ASIC2: variants seen among roughly 807,000 people sequenced by gnomAD.
ASIC2 encodes acid sensing ion channel subunit 2.
A neutral mutation model predicts 57.3 loss-of-function variants in ASIC2; 25 were observed. The ratio of observed to expected loss-of-function variants is 0.44; its 90% CI spans 0.32 to 0.61. The LOEUF (loss-of-function observed/expected upper bound fraction) is 0.61, where lower values mean the gene tolerates loss of function less well. Among genes scored for constraint, ASIC2 ranks in the 20% least tolerant of loss-of-function variants. The pLI is 0.06. For missense variants in ASIC2, 641 were observed against 738.1 expected (o/e 0.87, Z 1.52); for synonymous variants, 319 against 307.5 (o/e 1.04, Z -0.39).
In ASIC2 at chr17:33,031,153, G is replaced by A. The variant is rs1035147014; in HGVS notation, c.988-2761C>T. Among the ~76,000 whole-genome samples the A allele has an allele frequency of 9.2e-5, 14 of 152,218 alleles. No individual in the cohort carries two copies. The East Asian group carries it at 9.6e-4, about 10-fold the overall frequency. ...CTGGACCTGGTGATTGTGTGTATGC[G>A]TGTGAAGATTTTTAATTATGAATTC... is the stretch of plus-strand genomic sequence containing the variant. On this transcript the variant is annotated intron_variant, in intron 3 of 9. Coordinates refer to ENST00000225823, the MANE Select transcript of ASIC2 (RefSeq NM_183377.2).
At chr17:33,224,724 A>G (rs1907816454) in intron 1 of ASIC2, among the ~76,000 whole-genome samples, 1 of 152,186 alleles carries the variant, frequency 6.6e-6, no homozygotes, top group Admixed American at 6.5e-5. Context: ...TGATATGGGC[A>G]TTTGCATCAG....
At chr17:33,738,069 T>G (rs1909979538) in intron 1 of ASIC2, among the ~76,000 whole-genome samples, 1 of 152,218 alleles carries the variant, frequency 6.6e-6, no homozygotes, top group Admixed American at 6.5e-5. Flanking sequence ...TATATAAAAG[T>G]AGGTGTCTAA....
At chr17:33,919,302 T>G (rs1236468879) in intron 1 of ASIC2, among the ~76,000 whole-genome samples, 2 of 152,088 alleles carry the variant, frequency 1.3e-5, no homozygotes, top group Non-Finnish European at 2.9e-5. Context: ...AAAACCCTAT[T>G]GCTGTTCACC....
At chr17:33,940,429 C>T (rs543248319) in intron 1 of ASIC2, among the ~76,000 whole-genome samples, 9 of 152,146 alleles carry the variant, frequency 5.9e-5, no homozygotes, top group Non-Finnish European at 1.3e-4. Flanking sequence ...GGATTGAGGA[C>T]CCCACAGTGG....
chr17:33,621,613 G>A (rs748624194), intron 1 of ASIC2, among the ~76,000 whole-genome samples: 3 of 152,332 alleles, frequency 2.0e-5, no homozygotes, highest in Middle Eastern at 3.4e-3. Context: ...TAGCACTGGA[G>A]CCACAGAGCT....
chr17:33,921,432 G>T (rs1915706740), intron 1 of ASIC2, among the ~76,000 whole-genome samples: 1 of 152,150 alleles, frequency 6.6e-6, no homozygotes, highest in Admixed American at 6.5e-5. Flanking sequence ...TATGCAATTT[G>T]GTTAGGGGAT....
At chr17:33,088,811 G>A in intron 3 of ASIC2, 52 bp downstream of exon 3, 3 of 1,538,656 alleles carry the variant, frequency 1.9e-6, no homozygotes, top group Non-Finnish European at 2.6e-6. Flanking sequence ...TGCCTCTGCA[G>A]GGGGTCGGGG....
chr17:33,201,464 C>G (rs183128853), intron 1 of ASIC2, among the ~76,000 whole-genome samples: 1 of 152,200 alleles, frequency 6.6e-6, no homozygotes, highest in Admixed American at 6.5e-5. Context: ...CTCCATGAGA[C>G]GTGCCCACCA....
intron 1 of ASIC2, among the ~76,000 whole-genome samples, chr17:33,770,183 G>A (rs1021127704): frequency 1.3e-5 from 2 of 152,202 alleles, no homozygotes; most frequent in African/African-American, 4.8e-5. Context: ...GCAAAGAGAA[G>A]TTGCCCTGGT....
At chr17:33,188,998 G>A (rs957922578) in intron 1 of ASIC2, among the ~76,000 whole-genome samples, 1 of 152,098 alleles carries the variant, frequency 6.6e-6, no homozygotes, top group Non-Finnish European at 1.5e-5. Context: ...AAAAAAGATG[G>A]GGTGTGGGAG....
chr17:33,510,721 G>A (rs963229626), intron 1 of ASIC2, among the ~76,000 whole-genome samples: 3 of 152,118 alleles, frequency 2.0e-5, no homozygotes, highest in Non-Finnish European at 4.4e-5. Flanking sequence ...GCACACACTG[G>A]CATTGTTCCT....
intron 1 of ASIC2, among the ~76,000 whole-genome samples, chr17:33,196,377 C>T (rs141078796): frequency 2.0e-4 from 30 of 152,276 alleles, no homozygotes; most frequent in Non-Finnish European, 3.2e-4. Context: ...AGGTAACCTA[C>T]AGCAAAAGAT....
At chr17:33,274,763 T>C (rs774618550) in intron 1 of ASIC2, among the ~76,000 whole-genome samples, 1 of 152,200 alleles carries the variant, frequency 6.6e-6, no homozygotes, top group Admixed American at 6.5e-5. Flanking sequence ...TCCTGACTTA[T>C]GATCTCCCTT....
chr17:33,488,185 A>G (rs1003051437), intron 1 of ASIC2, among the ~76,000 whole-genome samples: 2 of 152,200 alleles, frequency 1.3e-5, no homozygotes, highest in African/African-American at 4.8e-5. Flanking sequence ...AGGCAGAGGC[A>G]GTATTAGAAA....
chr17:33,846,748 G>A (rs1414961081), intron 1 of ASIC2, among the ~76,000 whole-genome samples: 19 of 149,318 alleles, frequency 1.3e-4, no homozygotes, highest in Non-Finnish European at 2.7e-4. Context: ...TTTTTGAGAC[G>A]GAGTCTTGCT....
intron 1 of ASIC2, among the ~76,000 whole-genome samples, chr17:34,088,932 C>T (rs925486859): frequency 7.9e-5 from 12 of 152,286 alleles, no homozygotes; most frequent in African/African-American, 2.4e-4. Context: ...TTCCAGGTGC[C>T]GTCTGTCACC....
chr17:33,374,848 C>A (rs897867207), intron 1 of ASIC2, among the ~76,000 whole-genome samples: 3 of 152,100 alleles, frequency 2.0e-5, no homozygotes, highest in Non-Finnish European at 4.4e-5. Context: ...ATATGCTTGA[C>A]AAAGCACTAA....
chr17:33,382,043 T>C (rs531549012), intron 1 of ASIC2, among the ~76,000 whole-genome samples: 27 of 152,286 alleles, frequency 1.8e-4, no homozygotes, highest in African/African-American at 6.0e-4. Flanking sequence ...TAGTCCCACG[T>C]TGGATCTCCC....
At chr17:34,031,646 C>T (rs1023449108) in intron 1 of ASIC2, among the ~76,000 whole-genome samples, 1 of 152,010 alleles carries the variant, frequency 6.6e-6, no homozygotes, top group Non-Finnish European at 1.5e-5. Flanking sequence ...ACTAGAATAA[C>T]CAATGGAGAA....
Sources: gnomAD v4.1 joint callset for allele counts (sites outside exome capture counted in the v4.1 genomes callset) on GRCh38, gnomAD v4.1.1 for gene constraint, MANE v1.5 for transcripts, NCBI Gene and HGNC (gene_info 2026-07-23, HGNC 2026-07-21) for gene names.